The following HDAC2 variants were observed in gnomAD, a reference collection of about 807,000 sequenced individuals.
The protein encoded by HDAC2 is YY1-associated factor 1.
In HDAC2, 5 loss-of-function variants were observed where a neutral mutation model predicts 68.5. The observed-to-expected ratio is 0.07, with a 90% CI of 0.04 to 0.15. The LOEUF (loss-of-function observed/expected upper bound fraction) is 0.15. HDAC2 is among the 10% of genes least tolerant of loss of function. HDAC2 has a pLI of 1.00. For synonymous variants in HDAC2, 182 were observed against 191.3 expected (o/e 0.95, Z 0.40); for missense variants, 291 against 600.8 (o/e 0.48, Z 5.39).
chr6:113,950,630 A>T (rs1425960827), intron 6 of HDAC2, among the ~76,000 whole-genome samples: 1 of 140,804 alleles, frequency 7.1e-6, no homozygotes, highest in Non-Finnish European at 1.5e-5. Flanking sequence ...TCTCGACCTC[A>T]GGTAATCCAC....
rs1031506026 is a variant in HDAC2, at chr6:113,937,654, C to G, written c.*3404G>C. The G allele has an allele frequency of 2.0e-5, 3 of 152,332 alleles. No homozygotes were observed. The highest frequency in any genetic ancestry group is 4.8e-5 in the African/African-American group (2 of 41,422). 9.4% of individuals were successfully genotyped at this position (152,332 alleles called of 1,614,324 possible). A position where few individuals can be genotyped will look rare whatever the true frequency, so the allele number is the denominator to read the frequency against. ...CTTGAGCCTAGGAGTTTGTGACCAG[C>G]CTGGGCAACACAGGGAGACACCATC... On this transcript the variant is annotated 3_prime_UTR_variant, in exon 14 of 14. Coordinates refer to ENST00000519065, the MANE Select transcript of HDAC2 (RefSeq NM_001527.4).
rs932342103 is a variant in HDAC2, at chr6:113,933,774, A to G, written c.*7284T>C. On this transcript the variant is annotated 3_prime_UTR_variant, in exon 14 of 14. Coordinates refer to ENST00000519065, the MANE Select transcript of HDAC2 (RefSeq NM_001527.4). ...TTGTGTGTGTGTATGTATATTATAT[A>G]ATATACATACACACACATATATACA... The G allele has an allele frequency of 1.3e-5, 2 of 151,810 alleles. No homozygotes were observed. Among genetic ancestry groups the G allele is most frequent in the East Asian group, 3.9e-4 (2 of 5,168 alleles). The allele number at this position is 151,810 out of a possible 1,614,324, so 9.4% of individuals were successfully genotyped here.
intron 3 of HDAC2, 34 bp from the exon 4 acceptor site, chr6:113,956,727 T>C (rs542525117): frequency 6.9e-7 from 1 of 1,449,784 alleles, no homozygotes; most frequent in Non-Finnish European, 9.7e-7. Context: ...TTTCAACACA[T>C]TCTGCAAATT....
chr6:113,945,359 T>C lies in HDAC2; in HGVS notation c.1091+3A>G, dbSNP rs1412436403. On this transcript the variant is annotated splice_donor_region_variant and intron_variant, in intron 10 of 13. Coordinates refer to ENST00000519065, the MANE Select transcript of HDAC2 (RefSeq NM_001527.4). Reference sequence around the variant, plus strand: ...TTATCAAAACAATTCAATGATTTCTTACTTTATCTTTTCCATATATTCTGG... The same window carrying C: ...TTATCAAAACAATTCAATGATTTCTCACTTTATCTTTTCCATATATTCTGG... 2 of 1,280,920 alleles carry C rather than the reference T, an allele frequency of 1.6e-6. No homozygotes were observed. Among genetic ancestry groups the C allele is most frequent in the Non-Finnish European group, 2.3e-6 (2 of 882,338 alleles). The allele number at this position is 1,280,920 out of a possible 1,614,324, so 79.3% of individuals were successfully genotyped here. A position where few individuals can be genotyped will look rare whatever the true frequency, so the allele number is the denominator to read the frequency against.
At position 113,960,051 on chromosome 6, in the gene HDAC2, A is replaced by AGGAG. The variant is rs770563000; in HGVS notation, c.53-34_53-33insCTCC. ...AGAAAAGACACAAACTAAACAATAC[A>AGGAG]GACAAGAGACCCTCCATGAACTATT... is the stretch of plus-strand genomic sequence containing the variant. On this transcript the variant is annotated intron_variant, in intron 1 of 13. Transcript: ENST00000519065. 6.1e-6 allele frequency: 6 copies of AGGAG among 985,372 alleles called. No individual in the cohort carries two copies. In the South Asian group the frequency reaches 6.4e-5, roughly 11 times the overall value. The allele number at this position is 985,372 out of a possible 1,614,324, so 61.0% of individuals were successfully genotyped here. A position where few individuals can be genotyped will look rare whatever the true frequency, so the allele number is the denominator to read the frequency against.
At chr6:113,968,500 A>C (rs1434777092) in intron 1 of HDAC2, 1 of 152,248 alleles carries the variant, frequency 6.6e-6, no homozygotes, top group Non-Finnish European at 1.5e-5. Context: ...AATAATTAGC[A>C]TAATATAAAC....
intron 2 of HDAC2, 107 bp downstream of exon 2, chr6:113,959,794 ATCTTT>A: frequency 1.6e-6 from 1 of 623,544 alleles, no homozygotes; most frequent in Non-Finnish European, 2.9e-6. Context: ...TTTCTTCCAG[ATCTTT>A]TCATCTGCTA....
At chr6:113,946,185 A>G (rs748779216) in intron 8 of HDAC2, 37 bp from the exon 9 acceptor site, 2 of 1,559,994 alleles carry the variant, frequency 1.3e-6, no homozygotes, top group East Asian at 4.5e-5. Context: ...CAAAATCTGC[A>G]TACTGCAACA....
In HDAC2 at chr6:113,935,096, T is replaced by C. The variant is rs971104345; in HGVS notation, c.*5962A>G. 6 of 152,200 alleles carry C rather than the reference T, an allele frequency of 3.9e-5. No individual in the cohort carries two copies. Among genetic ancestry groups the C allele is most frequent in the African/African-American group, 1.4e-4 (6 of 41,436 alleles). The allele number at this position is 152,200 out of a possible 1,614,324, so 9.4% of individuals were successfully genotyped here. A position where few individuals can be genotyped will look rare whatever the true frequency, so the allele number is the denominator to read the frequency against. ...CCCATCCTCATGCTTGGAGGGCTAT[T>C]ATCTACCACAGGGCCACACAACAGT... On this transcript the variant is annotated 3_prime_UTR_variant, in exon 14 of 14. Coordinates refer to ENST00000519065, the MANE Select transcript of HDAC2 (RefSeq NM_001527.4).
intron 1 of HDAC2, chr6:113,969,585 G>C (rs1374949386): frequency 1.3e-5 from 2 of 152,050 alleles, no homozygotes; most frequent in Non-Finnish European, 2.9e-5. Context: ...GTTAAATTTT[G>C]GAATCCCTTC....
rs762338944 is a variant in HDAC2, at chr6:113,943,453, C to A, written c.1276G>T (p.Asp426Tyr). The change falls in exon 12 of 14, where the codon GAT becomes TAT. Residue 426 changes from aspartate (D) to tyrosine (Y), a missense_variant. Asp to Tyr is a radical substitution (Grantham distance 160, BLOSUM62 -3). Transcript: ENST00000519065. Reference protein sequence around the residue: ...ACDEEFSDSEDEGEGGRRNVA... With the variant: ...ACDEEFSDSEYEGEGGRRNVA... ...TTTCTTCGACCTCCTTCTCCTTCAT[C>A]CTCAGAATCTGAGAATTCTTCATCA... 1.1e-4 allele frequency: 182 copies of A among 1,609,600 alleles called. No homozygotes were observed. Among genetic ancestry groups the A allele is most frequent in the Non-Finnish European group, 1.5e-4 (179 of 1,178,854 alleles).
intron 8 of HDAC2, 143 bp from the exon 9 acceptor site, chr6:113,946,291 A>T: frequency 9.7e-6 from 6 of 620,336 alleles, no homozygotes; most frequent in Non-Finnish European, 1.6e-5. Flanking sequence ...AAATGTAAAA[A>T]ATGTCAAGTC....
At chr6:113,949,662 G>A (rs1222113668) in intron 6 of HDAC2, among the ~76,000 whole-genome samples, 2 of 152,200 alleles carry the variant, frequency 1.3e-5, no homozygotes, top group Admixed American at 1.3e-4. Flanking sequence ...AGCCCTGCCG[G>A]ACAATCATCT....
chr6:113,957,499 G>A (rs1333685298), intron 3 of HDAC2, among the ~76,000 whole-genome samples: 1 of 114,770 alleles, frequency 8.7e-6, no homozygotes, highest in African/African-American at 3.2e-5. Flanking sequence ...TTTTTTTTTT[G>A]GAGACAGAGT....
intron 1 of HDAC2, among the ~76,000 whole-genome samples, chr6:113,964,724 C>G (rs1204140657): frequency 6.6e-6 from 1 of 152,226 alleles, no homozygotes; most frequent in Non-Finnish European, 1.5e-5. Context: ...GGATTATAAA[C>G]TCACAGAGGT....
At position 113,970,850 on chromosome 6, in the gene HDAC2, C is replaced by A; in HGVS notation, c.52+7G>T. 2.0e-6 allele frequency: 3 copies of A among 1,538,240 alleles called. No homozygotes were observed. Among genetic ancestry groups the A allele is most frequent in the East Asian group, 2.5e-5 (1 of 40,656 alleles). On this transcript the variant is annotated splice_region_variant and intron_variant, in intron 1 of 13. Transcript: ENST00000519065. Reference sequence around the variant, plus strand: ...GCGCCCACCCCGACACCGGCCCGGCCGCTCACCGTCGTAGTAGTAGCAGAC... The same window carrying A: ...GCGCCCACCCCGACACCGGCCCGGCAGCTCACCGTCGTAGTAGTAGCAGAC...
Position 113,965,384 on chromosome 6 carries a change from CAG to C in HDAC2, c.53-5368_53-5367del, listed in dbSNP as rs574594455. On this transcript the variant is annotated intron_variant, in intron 1 of 13. Transcript: ENST00000519065. ...ACTTTTTTTGTTTTTTTTTTTGAGA[CAG>C]AGTCTTGCTCTTGCCACCCACCCAG... Among the ~76,000 whole-genome samples the C allele has an allele frequency of 4.2e-4, 63 of 149,614 alleles. No individual in the cohort carries two copies. The South Asian group carries it at 6.3e-3, about 15-fold the overall frequency.
At chr6:113,955,826 A>T in intron 5 of HDAC2, 187 bp downstream of exon 5, 1 of 527,798 alleles carries the variant, frequency 1.9e-6, no homozygotes. Context: ...TCTAAGTCTT[A>T]ATAATTGAAG....
At chr6:113,960,450 G>A (rs532966558) in intron 1 of HDAC2, among the ~76,000 whole-genome samples, 21 of 152,020 alleles carry the variant, frequency 1.4e-4, no homozygotes, top group African/African-American at 3.9e-4. Flanking sequence ...TCTCATAATT[G>A]GCGTTTTGCA....
Sources: allele counts gnomAD v4.1 joint callset (sites outside exome capture counted in the v4.1 genomes callset), GRCh38; gene constraint gnomAD v4.1.1; transcripts MANE v1.5; gene names NCBI Gene and HGNC (gene_info 2026-07-23, HGNC 2026-07-21).